STK38: variants seen among roughly 807,000 people sequenced by gnomAD.
The protein encoded by STK38 is serine/threonine kinase 38.
A neutral mutation model predicts 59.0 loss-of-function variants in STK38; 26 were observed. The observed-to-expected ratio is 0.44, with a 90% CI of 0.32 to 0.61. The LOEUF is 0.61. STK38 is among the 20% of genes least tolerant of loss of function. The probability of loss-of-function intolerance (pLI) is 0.04; values close to 1 mark genes in which losing one functional copy is unlikely to be tolerated. For synonymous variants in STK38, 175 were observed against 176.6 expected (o/e 0.99, Z 0.07); for missense variants, 433 against 566.0 (o/e 0.76, Z 2.38).
chr6:36,495,229 C>A lies in STK38; in HGVS notation c.*555G>T, dbSNP rs1415437214. On this transcript the variant is annotated 3_prime_UTR_variant, in exon 14 of 14. Transcript: ENST00000229812. ...ATGAATGGAGGCTATAAGCCACTCG[C>A]CTGAGGCTGAGGTATGGGTAGAAAC... 2 of 153,754 alleles carry A rather than the reference C, an allele frequency of 1.3e-5. No homozygotes were observed. The highest frequency in any genetic ancestry group is 2.0e-4 in the South Asian group (1 of 4,904). The allele number at this position is 153,754 out of a possible 1,614,324, so 9.5% of individuals were successfully genotyped here. A position where few individuals can be genotyped will look rare whatever the true frequency, so the allele number is the denominator to read the frequency against.
At chr6:36,514,548 T>A (rs1045517027) in intron 7 of STK38, among the ~76,000 whole-genome samples, 2 of 152,148 alleles carry the variant, frequency 1.3e-5, no homozygotes, top group African/African-American at 4.8e-5. Flanking sequence ...AACAGTGAGA[T>A]CCAGGTGGTA....
At chr6:36,529,840 T>C (rs1164696723) in intron 2 of STK38, among the ~76,000 whole-genome samples, 1 of 152,224 alleles carries the variant, frequency 6.6e-6, no homozygotes, top group Non-Finnish European at 1.5e-5. Context: ...CCTCTTGGCA[T>C]AGCCTGATTT....
At chr6:36,496,042 A>AAT in intron 13 of STK38, 128 bp from the exon 14 acceptor site, 1 of 972,110 alleles carries the variant, frequency 1.0e-6, no homozygotes, top group Non-Finnish European at 1.5e-6. Flanking sequence ...TCACTCTATG[A>AAT]ATTTTTTTTT....
At chr6:36,529,667 T>C (rs148520293) in intron 2 of STK38, among the ~76,000 whole-genome samples, 1 of 152,296 alleles carries the variant, frequency 6.6e-6, no homozygotes, top group East Asian at 1.9e-4. Flanking sequence ...AGGCAGGGAC[T>C]ATATCTGAAT....
intron 9 of STK38, among the ~76,000 whole-genome samples, chr6:36,502,767 C>T (rs1469711170): frequency 4.6e-5 from 7 of 152,146 alleles, no homozygotes; most frequent in South Asian, 2.1e-4. Flanking sequence ...TGCTGAATTT[C>T]GTGTTTTGTC....
At chr6:36,528,839 T>C (rs1290095035) in intron 2 of STK38, among the ~76,000 whole-genome samples, 2 of 152,218 alleles carry the variant, frequency 1.3e-5, no homozygotes, top group Middle Eastern at 3.2e-3. Flanking sequence ...TCCAATGCAC[T>C]ATCCACTGTG....
rs1203167441 is a variant in STK38 at position 36,527,203 on chromosome 6, A to T, written c.132-1561T>A. 4.3e-4 allele frequency among the ~76,000 whole-genome samples: 52 copies of T among 121,124 alleles called. 2 individuals carry two copies. Among genetic ancestry groups the T allele is most frequent in the African/African-American group, 1.3e-3 (39 of 29,724 alleles). The allele number at this position is 121,124 out of a possible 152,430, so 79.5% of individuals were successfully genotyped here. A position where few individuals can be genotyped will look rare whatever the true frequency, so the allele number is the denominator to read the frequency against. ...CAAGACTCCGTCTCAAAAAAAAAAA[A>T]AAAAATATATGTATATATATATATA... On this transcript the variant is annotated intron_variant, in intron 2 of 13. Coordinates refer to ENST00000229812, the MANE Select transcript of STK38 (RefSeq NM_007271.4).
chr6:36,540,576 A>T (rs780484266), intron 1 of STK38, among the ~76,000 whole-genome samples: 2 of 152,234 alleles, frequency 1.3e-5, no homozygotes, highest in African/African-American at 2.4e-5. Flanking sequence ...CCATGCAACA[A>T]CCAGAAAACC....
At chr6:36,538,187 C>T (rs890850789) in intron 2 of STK38, among the ~76,000 whole-genome samples, 1 of 151,942 alleles carries the variant, frequency 6.6e-6, no homozygotes. Context: ...GCCTGTAGTC[C>T]CAGCTACTCG....
intron 4 of STK38, among the ~76,000 whole-genome samples, chr6:36,523,550 G>A (rs905235739): frequency 6.9e-6 from 1 of 144,734 alleles, no homozygotes; most frequent in Non-Finnish European, 1.5e-5. Context: ...GTGAGCCACC[G>A]TGCCTGGCCC....
At chr6:36,541,474 T>A (rs75021855) in intron 1 of STK38, among the ~76,000 whole-genome samples, 1 of 151,934 alleles carries the variant, frequency 6.6e-6, no homozygotes, top group African/African-American at 2.4e-5. Flanking sequence ...CAAAGACCCA[T>A]AAAAATTCAT....
rs1339342981 is a variant in STK38, at chr6:36,497,893, C to T, written c.1077-18G>A. On this transcript the variant is annotated intron_variant, in intron 11 of 13. Transcript: ENST00000229812. ...AGCAGAACCTGGAAAAGACAGAGGCCTTTCAGCACATCTCAAGCAGTCTCC... is the reference window on the plus strand; with the variant it reads ...AGCAGAACCTGGAAAAGACAGAGGCTTTTCAGCACATCTCAAGCAGTCTCC... The T allele has an allele frequency of 6.4e-7, 1 of 1,562,204 alleles. No homozygotes were observed. Among genetic ancestry groups the T allele is most frequent in the Non-Finnish European group, 8.7e-7 (1 of 1,146,606 alleles).
At position 36,496,747 on chromosome 6, in the gene STK38, C is replaced by T. The variant is rs770153395; in HGVS notation, c.1231G>A (p.Asp411Asn). 4.3e-6 allele frequency: 7 copies of T among 1,613,342 alleles called. No individual in the cohort carries two copies. Among genetic ancestry groups the T allele is most frequent in the Middle Eastern group, 1.6e-4 (1 of 6,084 alleles). Residue 411 changes from aspartate to asparagine, a missense_variant, in exon 13 of 14, where the codon GAT becomes AAT. Physicochemically the swap from Asp to Asn is conservative, Grantham distance 23. Transcript: ENST00000229812. ...AGAATATCAGATTCTGGAAACTCAT[C>T]GAAGTTTGAGGTATCATCAATGCTT... The part of the protein sequence containing the change: ...IKSIDDTSNF[D>N]EFPESDILKP...
At chr6:36,515,949 G>A (rs9462192) in intron 6 of STK38, among the ~76,000 whole-genome samples, 3,825 of 152,172 alleles carry the variant, frequency 0.025, 167 homozygotes, top group African/African-American at 0.086. Flanking sequence ...GTAAACACTC[G>A]GGCAGGCTGA....
intron 2 of STK38, among the ~76,000 whole-genome samples, chr6:36,534,629 G>C (rs1777742778): frequency 6.6e-6 from 1 of 151,868 alleles, no homozygotes; most frequent in Non-Finnish European, 1.5e-5. Flanking sequence ...CTCCAACCTG[G>C]GTTAAAGCAA....
Position 36,499,998 on chromosome 6 carries a change from A to T in STK38, c.835-8T>A. 1 of 1,610,380 alleles carries T rather than the reference A, an allele frequency of 6.2e-7. No individual in the cohort carries two copies. Among genetic ancestry groups the T allele is most frequent in the Non-Finnish European group, 8.5e-7 (1 of 1,176,792 alleles). On this transcript the variant is annotated splice_polypyrimidine_tract_variant and splice_region_variant and intron_variant, in intron 9 of 13. Coordinates refer to ENST00000229812, the MANE Select transcript of STK38 (RefSeq NM_007271.4). Reference sequence around the variant, plus strand: ...GCCTACTGTGGAGAAGGCCTGAAACATGGACCACACATCAGCGAGGCCCAG... The same window carrying T: ...GCCTACTGTGGAGAAGGCCTGAAACTTGGACCACACATCAGCGAGGCCCAG...
At position 36,527,207 on chromosome 6, in the gene STK38, A is replaced by AAAATAT. The variant is rs60162863; in HGVS notation, c.132-1566_132-1565insATATTT. Among the ~76,000 whole-genome samples, 515 of 119,298 alleles carry AAAATAT rather than the reference A, an allele frequency of 4.3e-3. 9 individuals carry two copies. Among genetic ancestry groups the AAAATAT allele is most frequent in the African/African-American group, 9.4e-3 (268 of 28,552 alleles). The allele number at this position is 119,298 out of a possible 152,430, so 78.3% of individuals were successfully genotyped here. ...ACTCCGTCTCAAAAAAAAAAAAAAA[A>AAAATAT]ATATATGTATATATATATATATTTA... On this transcript the variant is annotated intron_variant, in intron 2 of 13. Coordinates refer to ENST00000229812, the MANE Select transcript of STK38 (RefSeq NM_007271.4).
At chr6:36,497,938 CT>C (rs147832342) in intron 11 of STK38, 63 bp from the exon 12 acceptor site, 85,307 of 649,124 alleles carry the variant, frequency 0.13, 448 homozygotes, top group African/African-American at 0.17. Context: ...GAAAAACTTT[CT>C]TTTTTTTTTT....
chr6:36,535,892 A>G (rs948102735), intron 2 of STK38, among the ~76,000 whole-genome samples: 1 of 149,952 alleles, frequency 6.7e-6, no homozygotes, highest in African/African-American at 2.5e-5. Context: ...AAAAAAAAAA[A>G]GCAACATAAT....
Sources: gnomAD v4.1 joint callset for allele counts (sites outside exome capture counted in the v4.1 genomes callset) on GRCh38, gnomAD v4.1.1 for gene constraint, MANE v1.5 for transcripts, NCBI Gene and HGNC (gene_info 2026-07-23, HGNC 2026-07-21) for gene names.